Variants in CDKL2 observed in about 807,000 individuals in gnomAD.
CDKL2 encodes cyclin dependent kinase like 2, also known as cyclin-dependent kinase-like 2.
CDKL2 carries 64 observed loss-of-function variants against 63.9 expected under a neutral mutation model. That is an observed-to-expected ratio of 1.00 (90% CI 0.82 to 1.23). The LOEUF is 1.23. Ranked by LOEUF, CDKL2 falls within the 50% of genes most tolerant of loss-of-function variation. CDKL2 has a pLI of 0.00. For missense variants in CDKL2, 656 were observed against 668.0 expected, an observed-to-expected ratio of 0.98 and a Z score of 0.20; for synonymous variants, 211 against 229.2, an observed-to-expected ratio of 0.92 and a Z score of 0.72.
chr4:75,617,828 C>T (rs1479693559), intron 2 of CDKL2, among the ~76,000 whole-genome samples: 5 of 152,140 alleles, frequency 3.3e-5, no homozygotes, highest in Admixed American at 3.3e-4. Flanking sequence ...ATCGGCCGGG[C>T]ATGGTGGCTC....
chr4:75,577,987 A>G lies in CDKL2; in HGVS notation c.*1215T>C, dbSNP rs6829402. The G allele has an allele frequency of 0.87, 128,325 of 147,370 alleles. 55,835 individuals carry two copies. Among genetic ancestry groups the G allele is most frequent in the East Asian group, 0.92 (4,621 of 5,044 alleles). 9.1% of individuals were successfully genotyped at this position (147,370 alleles called of 1,614,324 possible). Reference sequence around the variant, plus strand: ...GAAAAAAAGCAACACACTATTAATTAGTTAAGGCAAAAAAAAAAAAAAAAC... The same window carrying G: ...GAAAAAAAGCAACACACTATTAATTGGTTAAGGCAAAAAAAAAAAAAAAAC... On this transcript the variant is annotated 3_prime_UTR_variant, in exon 14 of 14. Coordinates refer to ENST00000307465, the MANE Select transcript of CDKL2 (RefSeq NM_001330724.2).
intron 12 of CDKL2, among the ~76,000 whole-genome samples, chr4:75,586,238 T>A (rs1294608071): frequency 1.3e-5 from 2 of 152,004 alleles, no homozygotes; most frequent in African/African-American, 4.8e-5. Flanking sequence ...TTTTTTTTTT[T>A]TTTTTAAGAT....
At chr4:75,605,364 C>T (rs1001233320) in intron 5 of CDKL2, among the ~76,000 whole-genome samples, 158 bp downstream of exon 5, 1 of 151,690 alleles carries the variant, frequency 6.6e-6, no homozygotes, top group African/African-American at 2.4e-5. Context: ...AAAACACACA[C>T]ACACACACAC....
Position 75,580,787 on chromosome 4 carries a change from G to A in CDKL2, c.*23+1023C>T, listed in dbSNP as rs545381856. ...GCGATCTCGGCTCACTGCAAGCTCC[G>A]CCTCCCGGGTTCACGCCATTCTCCT... On this transcript the variant is annotated intron_variant, in intron 13 of 13. Transcript: ENST00000307465. Among the ~76,000 whole-genome samples, 355 of 145,472 alleles carry A rather than the reference G, an allele frequency of 2.4e-3. 2 individuals carry two copies. The highest frequency in any genetic ancestry group is 6.9e-3 in the Middle Eastern group (2 of 290).
At position 75,605,523 on chromosome 4, in the gene CDKL2, T is replaced by C; in HGVS notation, c.654A>G (p.Leu218=). Residue 218 remains leucine, a splice_region_variant and synonymous_variant, in exon 5 of 14, where the codon TTA becomes TTG. Coordinates refer to ENST00000307465, the MANE Select transcript of CDKL2 (RefSeq NM_001330724.2). Reference sequence around the variant, plus strand: ...TAAAATGCAGATGTGTAACCTTACCTAAACACATCATAATATGATATAGCT... The same window carrying C: ...TAAAATGCAGATGTGTAACCTTACCCAAACACATCATAATATGATATAGCT... The part of the protein sequence containing the change: ...IDQLYHIMMC[L]GNLIPRHQEL... 6.4e-7 allele frequency: 1 copy of C among 1,552,284 alleles called. No individual in the cohort carries two copies. Among genetic ancestry groups the C allele is most frequent in the Non-Finnish European group, 8.9e-7 (1 of 1,124,648 alleles).
intron 3 of CDKL2, among the ~76,000 whole-genome samples, chr4:75,611,136 G>A (rs927206212): frequency 8.5e-5 from 13 of 152,152 alleles, no homozygotes; most frequent in Middle Eastern, 3.4e-3. Context: ...GAAGAAAGAG[G>A]GTAAGAAATC....
At chr4:75,589,401 T>G (rs1578318294) in intron 12 of CDKL2, among the ~76,000 whole-genome samples, 2 of 144,898 alleles carry the variant, frequency 1.4e-5, no homozygotes, top group African/African-American at 2.6e-5. Flanking sequence ...GCCTCCCGGG[T>G]TCACGCCATT....
At chr4:75,583,424 C>T (rs1350544653) in intron 12 of CDKL2, among the ~76,000 whole-genome samples, 4 of 152,314 alleles carry the variant, frequency 2.6e-5, no homozygotes, top group Non-Finnish European at 4.4e-5. Flanking sequence ...AAATCCTTTG[C>T]ATTCCAAAAT....
intron 12 of CDKL2, among the ~76,000 whole-genome samples, chr4:75,583,406 A>C (rs967907235): frequency 3.3e-5 from 5 of 152,196 alleles, no homozygotes; most frequent in African/African-American, 1.2e-4. Flanking sequence ...AGGTAATTCA[A>C]CCCAAAGAAA....
chr4:75,624,188 A>G (rs1198115252), intron 2 of CDKL2, among the ~76,000 whole-genome samples: 1 of 151,984 alleles, frequency 6.6e-6, no homozygotes, highest in Non-Finnish European at 1.5e-5. Context: ...GAAAAGATTT[A>G]CTATGGAAAC....
intron 2 of CDKL2, among the ~76,000 whole-genome samples, chr4:75,623,532 A>C (rs976322286): frequency 2.0e-5 from 3 of 152,212 alleles, no homozygotes; most frequent in African/African-American, 7.2e-5. Flanking sequence ...GTATTAGATA[A>C]TTAGACTTTA....
chr4:75,628,672 T>TA lies in CDKL2; in HGVS notation c.-30+1369dup, dbSNP rs1213142409. 9.9e-5 allele frequency among the ~76,000 whole-genome samples: 15 copies of TA among 152,206 alleles called. 1 individual carries two copies. The highest frequency in any genetic ancestry group is 7.9e-4 in the Admixed American group (12 of 15,282). ...TAATTCTTGCCTGTTGTATTAATTG[T>TA]ATACTTACGGCAATCTAAAATTTAC... On this transcript the variant is annotated intron_variant, in intron 1 of 13. Transcript: ENST00000307465.
intron 6 of CDKL2, among the ~76,000 whole-genome samples, chr4:75,602,190 G>T (rs1022460102): frequency 1.3e-5 from 2 of 150,040 alleles, no homozygotes; most frequent in African/African-American, 4.9e-5. Context: ...TTGTTTGTTT[G>T]TTTTTTTTGA....
intron 5 of CDKL2, among the ~76,000 whole-genome samples, chr4:75,604,375 T>C (rs927565040): frequency 3.3e-5 from 5 of 152,248 alleles, no homozygotes; most frequent in African/African-American, 1.2e-4. Context: ...TTTCTCAACT[T>C]TAATATCTAG....
In CDKL2 at chr4:75,611,304, C is replaced by G. The variant is rs1457826637; in HGVS notation, c.363+2951G>C. On this transcript the variant is annotated intron_variant, in intron 3 of 13. Transcript: ENST00000307465. ...CGAAACCCCATCTCTACTAAAAATA[C>G]AAAAATTAGCCAGGCATGGTGGTGC... Among the ~76,000 whole-genome samples the G allele has an allele frequency of 2.0e-5, 3 of 151,942 alleles. No individual in the cohort carries two copies. The South Asian group carries it at 6.2e-4, about 32-fold the overall frequency.
chr4:75,593,788 C>T (rs950544287), intron 10 of CDKL2, among the ~76,000 whole-genome samples: 1 of 152,002 alleles, frequency 6.6e-6, no homozygotes. Flanking sequence ...ATACAATGTC[C>T]AAATCATGAG....
Position 75,626,437 on chromosome 4 carries a change from T to A in CDKL2, c.-29-420A>T, listed in dbSNP as rs148152846. Among the ~76,000 whole-genome samples the A allele has an allele frequency of 1.0e-3, 153 of 151,794 alleles. 1 individual carries two copies. Among genetic ancestry groups the A allele is most frequent in the African/African-American group, 3.6e-3 (149 of 41,376 alleles). On this transcript the variant is annotated intron_variant, in intron 1 of 13. Coordinates refer to ENST00000307465, the MANE Select transcript of CDKL2 (RefSeq NM_001330724.2). ...ATCCCAACACTTTGGGAGGCCAAGG[T>A]GGGCGGATCACAAGGTCGGGAGATT...
intron 12 of CDKL2, among the ~76,000 whole-genome samples, chr4:75,590,679 C>T (rs1560574951): frequency 6.6e-6 from 1 of 152,162 alleles, no homozygotes. Flanking sequence ...TGTGCCACTG[C>T]ACTCCAGCCT....
At chr4:75,612,464 G>C (rs780690877) in intron 3 of CDKL2, among the ~76,000 whole-genome samples, 1 of 152,182 alleles carries the variant, frequency 6.6e-6, no homozygotes, top group Non-Finnish European at 1.5e-5. Flanking sequence ...CTTCTAATGT[G>C]AGAGAGACAA....
Sources: allele counts gnomAD v4.1 joint callset (sites outside exome capture counted in the v4.1 genomes callset), GRCh38; gene constraint gnomAD v4.1.1; transcripts MANE v1.5; gene names NCBI Gene and HGNC (gene_info 2026-07-23, HGNC 2026-07-21).